The following METTL25 variants were observed in gnomAD, a reference collection of about 807,000 sequenced individuals.
METTL25 encodes methyltransferase like 25.
In METTL25, 64 loss-of-function variants were observed where a neutral mutation model predicts 71.6. That is an observed-to-expected ratio of 0.89 (90% confidence interval 0.73 to 1.10). The LOEUF (loss-of-function observed/expected upper bound fraction) is 1.10. Ranked by LOEUF, METTL25 falls within the 50% of genes least tolerant of loss-of-function variation. The probability of loss-of-function intolerance (pLI) is 0.00; values close to 1 mark genes in which losing one functional copy is unlikely to be tolerated. For synonymous variants in METTL25, 287 were observed against 250.3 expected (o/e 1.15, Z -1.38); for missense variants, 807 against 707.0 (o/e 1.14, Z -1.60).
chr12:82,358,946 C>G (rs1881381384), intron 1 of METTL25, 122 bp downstream of exon 1: 1 of 1,173,460 alleles, frequency 8.5e-7, no homozygotes. Context: ...GGGCGGCCCG[C>G]TGGGAAACCG....
intron 5 of METTL25, among the ~76,000 whole-genome samples, chr12:82,424,129 A>T (rs938282846): frequency 3.9e-5 from 6 of 152,214 alleles, no homozygotes; most frequent in African/African-American, 1.2e-4. Flanking sequence ...AAGACTTGGA[A>T]CCAACCCAAA....
intron 9 of METTL25, 193 bp from the exon 10 acceptor site, chr12:82,476,451 C>G (rs1592788629): frequency 1.9e-6 from 1 of 528,896 alleles, no homozygotes; most frequent in East Asian, 3.3e-5. Flanking sequence ...TGCTGCATAA[C>G]CTATATCAGT....
chr12:82,367,304 G>A (rs1882678343), intron 1 of METTL25, among the ~76,000 whole-genome samples: 1 of 151,828 alleles, frequency 6.6e-6, no homozygotes, highest in Non-Finnish European at 1.5e-5. Context: ...AACTTTCCTT[G>A]TAAGCTTATA....
At chr12:82,408,718 T>C (rs770798611) in intron 5 of METTL25, among the ~76,000 whole-genome samples, 1 of 152,032 alleles carries the variant, frequency 6.6e-6, no homozygotes, top group Non-Finnish European at 1.5e-5. Context: ...ATTTTGTTTG[T>C]ACAGTATATG....
intron 2 of METTL25, among the ~76,000 whole-genome samples, chr12:82,387,186 T>C (rs1032650508): frequency 6.6e-6 from 1 of 152,258 alleles, no homozygotes; most frequent in East Asian, 1.9e-4. Flanking sequence ...TGTAACTTCT[T>C]GTAACTCTTG....
At chr12:82,417,440 G>T (rs1299123284) in intron 5 of METTL25, among the ~76,000 whole-genome samples, 1 of 152,118 alleles carries the variant, frequency 6.6e-6, no homozygotes, top group Non-Finnish European at 1.5e-5. Context: ...CTGAAAGTAT[G>T]CAAGCATATA....
chr12:82,399,496 C>G, intron 4 of METTL25, 102 bp downstream of exon 4: 3 of 913,852 alleles, frequency 3.3e-6, no homozygotes, highest in Non-Finnish European at 4.9e-6. Flanking sequence ...TCACATTAAT[C>G]TAACAGACCA....
chr12:82,428,205 G>T (rs920964981), intron 5 of METTL25, among the ~76,000 whole-genome samples: 1 of 151,796 alleles, frequency 6.6e-6, no homozygotes, highest in Non-Finnish European at 1.5e-5. Flanking sequence ...CATTCAACTG[G>T]CCACAACCTA....
intron 6 of METTL25, among the ~76,000 whole-genome samples, chr12:82,432,882 A>G (rs970846792): frequency 6.7e-6 from 1 of 148,872 alleles, no homozygotes; most frequent in Non-Finnish European, 1.5e-5. Flanking sequence ...AAAAAAAAAA[A>G]AGATACTTTG....
At chr12:82,413,792 G>T (rs1240285771) in intron 5 of METTL25, among the ~76,000 whole-genome samples, 2 of 151,236 alleles carry the variant, frequency 1.3e-5, no homozygotes, top group African/African-American at 4.9e-5. Context: ...TATTGGGTTT[G>T]CATAAATAAA....
chr12:82,470,957 T>G (rs1892537008), intron 9 of METTL25, among the ~76,000 whole-genome samples: 1 of 152,170 alleles, frequency 6.6e-6, no homozygotes, highest in Non-Finnish European at 1.5e-5. Context: ...TAATTCATGC[T>G]TGGGGTTTAG....
chr12:82,432,954 T>C (rs888334134), intron 6 of METTL25, among the ~76,000 whole-genome samples: 2 of 151,466 alleles, frequency 1.3e-5, no homozygotes, highest in Admixed American at 6.6e-5. Flanking sequence ...ACACAAAATA[T>C]TAATTAAATT....
chr12:82,473,438 C>T (rs1486596382), intron 9 of METTL25, among the ~76,000 whole-genome samples: 2 of 152,104 alleles, frequency 1.3e-5, no homozygotes, highest in Non-Finnish European at 2.9e-5. Context: ...GATGTAGGCA[C>T]ACAGCTACTT....
chr12:82,465,054 G>T (rs1432287834), intron 9 of METTL25, among the ~76,000 whole-genome samples: 1 of 151,794 alleles, frequency 6.6e-6, no homozygotes. Context: ...TGGAAAGAGG[G>T]ATAATTTTAC....
intron 1 of METTL25, among the ~76,000 whole-genome samples, chr12:82,372,856 C>T (rs898187384): frequency 3.3e-5 from 5 of 152,064 alleles, no homozygotes; most frequent in African/African-American, 9.7e-5. Flanking sequence ...TTGCACTCGC[C>T]GACGTAGCAG....
rs371131438 is a variant in METTL25, at chr12:82,423,499, A to T, written c.1280-7394A>T. Among the ~76,000 whole-genome samples the T allele has an allele frequency of 4.7e-4, 72 of 152,232 alleles. 1 individual carries two copies. The highest frequency in any genetic ancestry group is 7.6e-4 in the Non-Finnish European group (52 of 68,046). On this transcript the variant is annotated intron_variant, in intron 5 of 11. Transcript: ENST00000248306. ...AGGCATGGGCAAGGACTTTATGACT[A>T]AAACACCAAAAGCAATGGCAACAAA...
At chr12:82,437,007 A>T (rs1287025123) in intron 7 of METTL25, among the ~76,000 whole-genome samples, 1 of 151,614 alleles carries the variant, frequency 6.6e-6, no homozygotes, top group African/African-American at 2.4e-5. Context: ...GAGATAAATG[A>T]AAGGATTTTT....
At position 82,398,951 on chromosome 12, in the gene METTL25, C is replaced by G. The variant is rs1410167811; in HGVS notation, c.688C>G (p.Gln230Glu). The change falls in exon 4 of 12, where the codon CAG becomes GAG. Residue 230 changes from glutamine to glutamate, a missense_variant. By Grantham distance (29) the Gln-to-Glu change is conservative. Transcript: ENST00000248306. ...LKKHWKLCHA[Q>E]SRLDVNGLAL... is the part of the protein sequence containing the mutation. ...GAAACATTGGAAACTCTGTCATGCT[C>G]AGTCAAGATTAGATGTCAATGGACT... 6.2e-7 allele frequency: 1 copy of G among 1,611,524 alleles called. No individual in the cohort carries two copies. Among genetic ancestry groups the G allele is most frequent in the East Asian group, 2.2e-5 (1 of 44,726 alleles).
chr12:82,422,111 C>A (rs922111530), intron 5 of METTL25, among the ~76,000 whole-genome samples: 1 of 152,134 alleles, frequency 6.6e-6, no homozygotes, highest in Non-Finnish European at 1.5e-5. Context: ...GAATTTTAGA[C>A]CAATATCCGT....
Sources: gnomAD v4.1 joint callset for allele counts (sites outside exome capture counted in the v4.1 genomes callset) on GRCh38, gnomAD v4.1.1 for gene constraint, MANE v1.5 for transcripts, NCBI Gene and HGNC (gene_info 2026-07-23, HGNC 2026-07-21) for gene names.